The following LPAR1 variants were observed in gnomAD, a reference collection of about 807,000 sequenced individuals.
LPAR1 encodes the protein LPA receptor 1.
A neutral mutation model predicts 23.8 loss-of-function variants in LPAR1; 5 were observed. The ratio of observed to expected loss-of-function variants is 0.21; its 90% CI spans 0.11 to 0.44. The LOEUF (loss-of-function observed/expected upper bound fraction) is 0.44. LPAR1 is among the 20% of genes least tolerant of loss of function. The probability of loss-of-function intolerance (pLI) is 0.99; values close to 1 mark genes in which losing one functional copy is unlikely to be tolerated. For missense variants in LPAR1, 311 were observed against 482.8 expected, an observed-to-expected ratio of 0.64 and a Z score of 3.33; for synonymous variants, 160 against 164.7, an observed-to-expected ratio of 0.97 and a Z score of 0.22.
At chr9:110,891,432 G>T (rs2084142852) in intron 5 of LPAR1, among the ~76,000 whole-genome samples, 1 of 152,272 alleles carries the variant, frequency 6.6e-6, no homozygotes, top group East Asian at 1.9e-4. Context: ...AAACGCATTT[G>T]TGGGGGCAAG....
intron 3 of LPAR1, among the ~76,000 whole-genome samples, chr9:110,973,175 T>C (rs558898153): frequency 1.3e-5 from 2 of 152,270 alleles, no homozygotes; most frequent in African/African-American, 4.8e-5. Flanking sequence ...TTTAATATTT[T>C]TGGACCAAGT....
chr9:110,883,359 C>T (rs1283462700), intron 5 of LPAR1, among the ~76,000 whole-genome samples: 1 of 151,870 alleles, frequency 6.6e-6, no homozygotes, highest in Non-Finnish European at 1.5e-5. Flanking sequence ...TTTTAAAGTA[C>T]GTTTTTAAAA....
At chr9:110,904,821 C>T (rs904842759) in intron 5 of LPAR1, among the ~76,000 whole-genome samples, 1 of 152,166 alleles carries the variant, frequency 6.6e-6, no homozygotes, top group African/African-American at 2.4e-5. Context: ...TCATCCATCC[C>T]GTGTTATCCC....
intron 5 of LPAR1, among the ~76,000 whole-genome samples, chr9:110,930,494 G>C (rs1035368071): frequency 4.0e-5 from 6 of 151,698 alleles, no homozygotes; most frequent in Admixed American, 2.6e-4. Context: ...TAGACAACAA[G>C]AGCAAAACTC....
chr9:110,934,974 T>G (rs1379751451), intron 5 of LPAR1, among the ~76,000 whole-genome samples: 2 of 152,198 alleles, frequency 1.3e-5, no homozygotes, highest in Non-Finnish European at 2.9e-5. Flanking sequence ...GAAAAGCTAC[T>G]ATATGTGATG....
chr9:110,975,831 C>T (rs2096542444), intron 2 of LPAR1, among the ~76,000 whole-genome samples: 1 of 152,118 alleles, frequency 6.6e-6, no homozygotes, highest in African/African-American at 2.4e-5. Context: ...AAATTAACTG[C>T]CTTCTCCTAA....
chr9:110,881,174 A>G (rs187616315), intron 5 of LPAR1, among the ~76,000 whole-genome samples: 2 of 152,224 alleles, frequency 1.3e-5, no homozygotes, highest in Non-Finnish European at 2.9e-5. Flanking sequence ...CCACCCTGAT[A>G]CCAATTTTAC....
chr9:110,895,857 A>G (rs756658519), intron 5 of LPAR1, among the ~76,000 whole-genome samples: 4 of 152,228 alleles, frequency 2.6e-5, no homozygotes, highest in Admixed American at 2.6e-4. Context: ...AACCAGATGC[A>G]GCCCAGAGGA....
intron 2 of LPAR1, among the ~76,000 whole-genome samples, chr9:110,990,502 G>T (rs549404866): frequency 3.9e-5 from 6 of 152,154 alleles, no homozygotes; most frequent in South Asian, 4.1e-4. Flanking sequence ...AATCAAAGAA[G>T]TCAAAGGAGG....
rs1021793305 is a variant in LPAR1 at position 110,874,361 on chromosome 9, T to A, written c.*1060A>T. The A allele has an allele frequency of 1.3e-5, 2 of 152,618 alleles. No homozygotes were observed. The highest frequency in any genetic ancestry group is 4.8e-5 in the African/African-American group (2 of 41,458). 9.5% of individuals were successfully genotyped at this position (152,618 alleles called of 1,614,324 possible). A position where few individuals can be genotyped will look rare whatever the true frequency, so the allele number is the denominator to read the frequency against. On this transcript the variant is annotated 3_prime_UTR_variant, in exon 6 of 6. Coordinates refer to ENST00000683809, the MANE Select transcript of LPAR1 (RefSeq NM_001351411.2). ...TGTGGCAATTTTGCAATGAAAAAGA[T>A]CTACTTATAAAACTGTTTACAGTAT...
intron 4 of LPAR1, among the ~76,000 whole-genome samples, chr9:110,943,115 A>C (rs1791388533): frequency 6.8e-6 from 1 of 147,818 alleles, no homozygotes; most frequent in Admixed American, 6.8e-5. Context: ...ATTATATATA[A>C]TTATAATATG....
chr9:110,951,291 G>C (rs969930989), intron 4 of LPAR1, among the ~76,000 whole-genome samples: 4 of 151,910 alleles, frequency 2.6e-5, no homozygotes, highest in Admixed American at 2.6e-4. Context: ...AAAAAGCATC[G>C]ATAAAACTTG....
At chr9:111,035,412 C>T in intron 2 of LPAR1, among the ~76,000 whole-genome samples, 1 of 152,092 alleles carries the variant, frequency 6.6e-6, no homozygotes, top group Non-Finnish European at 1.5e-5. Flanking sequence ...TTTATAGAGA[C>T]AGAGTCTCAC....
intron 5 of LPAR1, among the ~76,000 whole-genome samples, chr9:110,920,431 A>AT (rs981450931): frequency 1.3e-5 from 2 of 152,170 alleles, no homozygotes; most frequent in South Asian, 2.1e-4. Context: ...AGCATTGGCA[A>AT]TTTTTTTCAA....
intron 5 of LPAR1, among the ~76,000 whole-genome samples, chr9:110,886,071 G>T (rs1176801490): frequency 6.6e-6 from 1 of 152,072 alleles, no homozygotes; most frequent in Non-Finnish European, 1.5e-5. Flanking sequence ...GATGGCGGGT[G>T]CCTGTAATCT....
Position 110,899,043 on chromosome 9 carries a change from A to G in LPAR1, c.794-23321T>C, listed in dbSNP as rs189154498. On this transcript the variant is annotated intron_variant, in intron 5 of 5. Transcript: ENST00000683809. ...TCGGCTAATTCTTTTTTAAAAATAC[A>G]ACACAAATTATTCCATTACACAAAT... Among the ~76,000 whole-genome samples the G allele has an allele frequency of 5.6e-3, 848 of 152,342 alleles. 34 individuals carry two copies. Among genetic ancestry groups the G allele is most frequent in the Admixed American group, 0.052 (793 of 15,308 alleles).
intron 4 of LPAR1, among the ~76,000 whole-genome samples, chr9:110,958,858 TAAAA>T (rs199964171): frequency 7.8e-6 from 1 of 128,764 alleles, no homozygotes; most frequent in Non-Finnish European, 1.7e-5. Context: ...AGTCAAGAGT[TAAAA>T]AAAAAAAAAA....
chr9:110,948,778 G>C (rs1015021558), intron 4 of LPAR1, among the ~76,000 whole-genome samples: 4 of 152,160 alleles, frequency 2.6e-5, no homozygotes, highest in Non-Finnish European at 4.4e-5. Flanking sequence ...CAGAGATCAT[G>C]AGGACAGGGC....
intron 5 of LPAR1, among the ~76,000 whole-genome samples, 177 bp from the exon 6 acceptor site, chr9:110,875,899 G>A (rs142963780): frequency 1.3e-3 from 202 of 152,128 alleles, no homozygotes; most frequent in African/African-American, 4.6e-3. Context: ...AAAATTTAAC[G>A]ATAGTCAACT....
Sources: allele counts gnomAD v4.1 joint callset (sites outside exome capture counted in the v4.1 genomes callset), GRCh38; gene constraint gnomAD v4.1.1; transcripts MANE v1.5; gene names NCBI Gene and HGNC (gene_info 2026-07-23, HGNC 2026-07-21).